Variants in GALNTL6 observed in about 807,000 individuals in gnomAD.
The protein encoded by GALNTL6 is polypeptide N-acetylgalactosaminyltransferase like 6, also known as polypeptide N-acetylgalactosaminyltransferase-like 6.
GALNTL6 carries 46 observed loss-of-function variants against 73.7 expected under a neutral mutation model. The observed-to-expected ratio is 0.62, with a 90% CI of 0.49 to 0.80. The LOEUF is 0.80. Ranked by LOEUF, GALNTL6 falls within the 30% of genes least tolerant of loss-of-function variation. The probability of loss-of-function intolerance (pLI) is 0.00; values close to 1 mark genes in which losing one functional copy is unlikely to be tolerated. For synonymous variants in GALNTL6, 259 were observed against 263.7 expected (o/e 0.98, Z 0.17); for missense variants, 604 against 755.0 (o/e 0.80, Z 2.34).
intron 5 of GALNTL6, among the ~76,000 whole-genome samples, chr4:172,493,247 A>AT (rs1733955783): frequency 6.6e-6 from 1 of 152,114 alleles, no homozygotes; most frequent in Non-Finnish European, 1.5e-5. Flanking sequence ...TTTGCAAGAC[A>AT]TTTTTTGTTT....
At chr4:172,004,582 C>A (rs1414348082) in intron 2 of GALNTL6, among the ~76,000 whole-genome samples, 2 of 151,910 alleles carry the variant, frequency 1.3e-5, no homozygotes, top group East Asian at 3.8e-4. Context: ...TAATAAAACT[C>A]AGCATATGTA....
At chr4:172,596,666 T>C (rs569281483) in intron 5 of GALNTL6, among the ~76,000 whole-genome samples, 2 of 152,304 alleles carry the variant, frequency 1.3e-5, no homozygotes, top group Admixed American at 6.5e-5. Context: ...TCTCTTTAAT[T>C]ATACTAAATT....
intron 5 of GALNTL6, among the ~76,000 whole-genome samples, chr4:172,763,680 C>T (rs1560936085): frequency 6.6e-6 from 1 of 152,168 alleles, no homozygotes; most frequent in Non-Finnish European, 1.5e-5. Flanking sequence ...TGACAGATGC[C>T]TTTAATGAGA....
chr4:172,461,463 A>T (rs1157073068), intron 5 of GALNTL6, among the ~76,000 whole-genome samples: 1 of 152,210 alleles, frequency 6.6e-6, no homozygotes, highest in Non-Finnish European at 1.5e-5. Flanking sequence ...TGGTTGGACC[A>T]CAGAACTTAC....
At chr4:172,315,927 A>G (rs1740527494) in intron 4 of GALNTL6, among the ~76,000 whole-genome samples, 1 of 152,198 alleles carries the variant, frequency 6.6e-6, no homozygotes, top group African/African-American at 2.4e-5. Flanking sequence ...GATGGGAGAC[A>G]TAAGACATCT....
chr4:171,986,166 A>C (rs1740076804), intron 2 of GALNTL6, among the ~76,000 whole-genome samples: 1 of 151,718 alleles, frequency 6.6e-6, no homozygotes, highest in Non-Finnish European at 1.5e-5. Context: ...AAAGCTGTTT[A>C]TTTCACCTGG....
intron 5 of GALNTL6, among the ~76,000 whole-genome samples, chr4:172,430,871 G>A (rs565795991): frequency 6.6e-6 from 1 of 152,056 alleles, no homozygotes; most frequent in East Asian, 1.9e-4. Flanking sequence ...AGTTGAAATA[G>A]GATTATTAAA....
chr4:171,864,855 A>T (rs1039200280), intron 2 of GALNTL6, among the ~76,000 whole-genome samples: 1 of 152,200 alleles, frequency 6.6e-6, no homozygotes, highest in Non-Finnish European at 1.5e-5. Flanking sequence ...AAAATATTTT[A>T]AAAATGGAGA....
intron 5 of GALNTL6, among the ~76,000 whole-genome samples, chr4:172,587,386 C>T (rs963009169): frequency 6.6e-6 from 1 of 152,176 alleles, no homozygotes; most frequent in Non-Finnish European, 1.5e-5. Context: ...TTTGTCCTAT[C>T]CTTGCTTTGC....
chr4:171,980,159 T>A (rs1739854582), intron 2 of GALNTL6, among the ~76,000 whole-genome samples: 3 of 152,116 alleles, frequency 2.0e-5, no homozygotes, highest in South Asian at 4.1e-4. Flanking sequence ...ACAGAAGCAC[T>A]TACTAGGGTA....
Position 172,220,417 on chromosome 4 carries a change from G to A in GALNTL6, c.139-9239G>A, listed in dbSNP as rs145236509. ...ATAAATACATGTTGAGTGGGCAGCCGAATGGTGGATTGAATAAAATTACAT... is the reference window on the plus strand; with the variant it reads ...ATAAATACATGTTGAGTGGGCAGCCAAATGGTGGATTGAATAAAATTACAT... On this transcript the variant is annotated intron_variant, in intron 2 of 12. Transcript: ENST00000506823. 9.1e-4 allele frequency among the ~76,000 whole-genome samples: 138 copies of A among 151,786 alleles called. 2 individuals carry two copies. The East Asian group carries it at 0.021, about 24-fold the overall frequency.
chr4:172,662,790 CA>C (rs989999910), intron 5 of GALNTL6, among the ~76,000 whole-genome samples: 2 of 151,850 alleles, frequency 1.3e-5, no homozygotes, highest in South Asian at 2.1e-4. Context: ...AATAAGCAAC[CA>C]AAAAAATAAT....
At chr4:172,636,119 A>G (rs545034530) in intron 5 of GALNTL6, among the ~76,000 whole-genome samples, 49 of 152,268 alleles carry the variant, frequency 3.2e-4, no homozygotes, top group African/African-American at 1.2e-3. Flanking sequence ...CATTTGCTCT[A>G]CCATACAACT....
chr4:171,891,153 A>G (rs1460690267), intron 2 of GALNTL6, among the ~76,000 whole-genome samples: 1 of 152,208 alleles, frequency 6.6e-6, no homozygotes, highest in Admixed American at 6.5e-5. Context: ...TCAAAGATTC[A>G]TGATTCCACT....
intron 2 of GALNTL6, among the ~76,000 whole-genome samples, chr4:172,010,030 T>A (rs1225805971): frequency 6.6e-6 from 1 of 152,156 alleles, no homozygotes; most frequent in African/African-American, 2.4e-5. Flanking sequence ...TCTTGTATTT[T>A]AGGAGACTCC....
chr4:172,806,990 A>ACACATAACG (rs1291032587), intron 5 of GALNTL6, among the ~76,000 whole-genome samples: 2 of 152,230 alleles, frequency 1.3e-5, no homozygotes, highest in East Asian at 3.8e-4. Context: ...CAAGACGCTG[A>ACACATAACG]CACATAACGG....
chr4:171,986,415 G>C (rs528703719), intron 2 of GALNTL6, among the ~76,000 whole-genome samples: 1 of 152,128 alleles, frequency 6.6e-6, no homozygotes, highest in Non-Finnish European at 1.5e-5. Flanking sequence ...GGATGTGTAC[G>C]TGCAGGTCAC....
At chr4:171,928,648 T>A (rs190046921) in intron 2 of GALNTL6, among the ~76,000 whole-genome samples, 1 of 152,376 alleles carries the variant, frequency 6.6e-6, no homozygotes, top group East Asian at 1.9e-4. Flanking sequence ...ACAGACCACA[T>A]ATGCAACAGT....
At chr4:172,225,120 G>T (rs1446663689) in intron 2 of GALNTL6, among the ~76,000 whole-genome samples, 1 of 151,920 alleles carries the variant, frequency 6.6e-6, no homozygotes, top group African/African-American at 2.4e-5. Context: ...ATTTTACAAG[G>T]TCATAGATAA....
Sources: gnomAD v4.1 joint callset for allele counts (sites outside exome capture counted in the v4.1 genomes callset) on GRCh38, gnomAD v4.1.1 for gene constraint, MANE v1.5 for transcripts, NCBI Gene and HGNC (gene_info 2026-07-23, HGNC 2026-07-21) for gene names.